The following APOBEC2 variants were observed in gnomAD, a reference collection of about 807,000 sequenced individuals.
APOBEC2 encodes apolipoprotein B mRNA editing enzyme catalytic subunit 2, also known as C->U-editing enzyme APOBEC-2.
Under a neutral mutation model 19.4 loss-of-function variants are expected in APOBEC2, and 14 were observed. The observed-to-expected ratio is 0.72, with a 90% confidence interval of 0.48 to 1.13. APOBEC2 has a LOEUF of 1.13. APOBEC2 is among the 50% of genes most tolerant of loss of function. The probability of loss-of-function intolerance (pLI) is 0.00; values close to 1 mark genes in which losing one functional copy is unlikely to be tolerated. For missense variants in APOBEC2, 304 were observed against 277.0 expected (o/e 1.10, Z -0.69); for synonymous variants, 127 against 112.1 (o/e 1.13, Z -0.84).
chr6:41,063,534 C>CTTTTTTTTTTT (rs34638825), intron 2 of APOBEC2, among the ~76,000 whole-genome samples: 11 of 85,366 alleles, frequency 1.3e-4, no homozygotes, highest in Admixed American at 4.9e-4. Context: ...GTCCTTAGAG[C>CTTTTTTTTTTT]TTTTTTTTTT....
At chr6:41,062,980 A>G (rs1762895180) in intron 2 of APOBEC2, among the ~76,000 whole-genome samples, 1 of 152,208 alleles carries the variant, frequency 6.6e-6, no homozygotes, top group African/African-American at 2.4e-5. Flanking sequence ...AACAACTCAC[A>G]TATTACTAAA....
In APOBEC2 at chr6:41,061,423, C is replaced by A; in HGVS notation, c.227C>A (p.Ala76Glu). 1.2e-6 allele frequency: 2 copies of A among 1,611,338 alleles called. No individual in the cohort carries two copies. Among genetic ancestry groups the A allele is most frequent in the Non-Finnish European group, 1.7e-6 (2 of 1,178,698 alleles). ...NKTFLCYVVE[A>E]QGKGGQVQAS... Reference sequence around the variant, plus strand: ...ACCTTCCTCTGCTATGTGGTTGAAGCACAGGGCAAGGGGGGCCAAGTGCAG... The same window carrying A: ...ACCTTCCTCTGCTATGTGGTTGAAGAACAGGGCAAGGGGGGCCAAGTGCAG... Residue 76 changes from alanine (A) to glutamate (E), a missense_variant, in exon 2 of 3, where the codon GCA becomes GAA. Transcript: ENST00000244669.
intron 1 of APOBEC2, among the ~76,000 whole-genome samples, chr6:41,057,380 G>A (rs1479926700): frequency 6.6e-6 from 1 of 152,152 alleles, no homozygotes; most frequent in African/African-American, 2.4e-5. Flanking sequence ...TTGGGGGCAG[G>A]TCAAAGCTCA....
intron 1 of APOBEC2, among the ~76,000 whole-genome samples, chr6:41,053,807 T>C (rs1762761032): frequency 1.3e-5 from 2 of 152,156 alleles, no homozygotes; most frequent in African/African-American, 4.8e-5. Context: ...CCCAGGGAGT[T>C]TGGCGAGGAC....
chr6:41,056,076 T>C (rs1174003548), intron 1 of APOBEC2, among the ~76,000 whole-genome samples: 6 of 152,224 alleles, frequency 3.9e-5, no homozygotes, highest in Non-Finnish European at 8.8e-5. Context: ...AGGATACAAT[T>C]TGAGGCCTGG....
At chr6:41,063,563 T>C (rs62396283) in intron 2 of APOBEC2, among the ~76,000 whole-genome samples, 9,108 of 128,984 alleles carry the variant, frequency 0.071, 435 homozygotes, top group Middle Eastern at 0.14. Flanking sequence ...TTTTCAGTGA[T>C]TTCAAATATA....
At chr6:41,061,074 A>G (rs1454668737) in intron 1 of APOBEC2, among the ~76,000 whole-genome samples, 1 of 151,780 alleles carries the variant, frequency 6.6e-6, no homozygotes, top group Admixed American at 6.6e-5. Context: ...GGTGGAGACA[A>G]TGTCCTAGTA....
chr6:41,064,227 G>A lies in APOBEC2; in HGVS notation c.*148G>A, dbSNP rs1439944602. The A allele has an allele frequency of 6.6e-6, 1 of 152,504 alleles. No individual in the cohort carries two copies. The highest frequency in any genetic ancestry group is 1.5e-5 in the Non-Finnish European group (1 of 68,018). 9.4% of individuals were successfully genotyped at this position (152,504 alleles called of 1,614,324 possible). On this transcript the variant is annotated 3_prime_UTR_variant, in exon 3 of 3. Transcript: ENST00000244669. ...CCAATCATACTGGACAAGGCCCTTA[G>A]AGGACTTGAAATATACTTCTCATGC...
chr6:41,054,671 C>A (rs1581988114), intron 1 of APOBEC2, among the ~76,000 whole-genome samples: 1 of 152,334 alleles, frequency 6.6e-6, no homozygotes, highest in Middle Eastern at 3.4e-3. Flanking sequence ...GCCCACCCAA[C>A]TAATCTCACC....
chr6:41,055,902 C>T (rs563669139), intron 1 of APOBEC2, among the ~76,000 whole-genome samples: 1 of 152,224 alleles, frequency 6.6e-6, no homozygotes, highest in Admixed American at 6.5e-5. Context: ...GAGTACTTAC[C>T]TTATGGAAAT....
At chr6:41,053,520 G>A (rs1040479194) in intron 1 of APOBEC2, 42 bp downstream of exon 1, 2 of 1,610,536 alleles carry the variant, frequency 1.2e-6, no homozygotes, top group South Asian at 1.1e-5. Context: ...CCCTAGAAGA[G>A]TGCAGCCTTG....
At chr6:41,061,923 C>G (rs991320287) in intron 2 of APOBEC2, 31 bp downstream of exon 2, 14 of 1,546,942 alleles carry the variant, frequency 9.1e-6, no homozygotes, top group Non-Finnish European at 1.2e-5. Context: ...GGCACCAACA[C>G]TTTATTATGT....
intron 1 of APOBEC2, among the ~76,000 whole-genome samples, chr6:41,054,504 T>C (rs1318636295): frequency 6.6e-6 from 1 of 152,172 alleles, no homozygotes; most frequent in African/African-American, 2.4e-5. Flanking sequence ...TGACAAGTGA[T>C]TTTCCAGTCA....
chr6:41,060,635 T>C (rs1036995481), intron 1 of APOBEC2, among the ~76,000 whole-genome samples: 6 of 152,226 alleles, frequency 3.9e-5, no homozygotes, highest in African/African-American at 1.4e-4. Flanking sequence ...TAGTCTGTCC[T>C]CACAGATAAA....
At chr6:41,060,369 A>G (rs1329175864) in intron 1 of APOBEC2, among the ~76,000 whole-genome samples, 1 of 152,152 alleles carries the variant, frequency 6.6e-6, no homozygotes, top group Non-Finnish European at 1.5e-5. Context: ...TTTCCTTCTC[A>G]AGAACCTGTA....
At position 41,064,205 on chromosome 6, in the gene APOBEC2, A is replaced by G. The variant is rs1178446842; in HGVS notation, c.*126A>G. On this transcript the variant is annotated 3_prime_UTR_variant, in exon 3 of 3. Transcript: ENST00000244669. ...GCTGGACAACATTTGACACCAACCA[A>G]TCATACTGGACAAGGCCCTTAGAGG... is the stretch of plus-strand genomic sequence containing the variant. The G allele has an allele frequency of 6.6e-6, 1 of 152,492 alleles. No homozygotes were observed. Among genetic ancestry groups the G allele is most frequent in the East Asian group, 1.9e-4 (1 of 5,192 alleles). The allele number at this position is 152,492 out of a possible 1,614,324, so 9.4% of individuals were successfully genotyped here. A position where few individuals can be genotyped will look rare whatever the true frequency, so the allele number is the denominator to read the frequency against.
At position 41,061,313 on chromosome 6, in the gene APOBEC2, C is replaced by T. The variant is rs1762867809; in HGVS notation, c.132-15C>T. 1.3e-6 allele frequency: 2 copies of T among 1,516,606 alleles called. No individual in the cohort carries two copies. The highest frequency in any genetic ancestry group is 1.8e-6 in the Non-Finnish European group (2 of 1,133,328). 93.9% of individuals were successfully genotyped at this position (1,516,606 alleles called of 1,614,324 possible). On this transcript the variant is annotated splice_polypyrimidine_tract_variant and intron_variant, in intron 1 of 2. Transcript: ENST00000244669. ...TTATCATTCTTTCCTGTCCTTTTGTCTCCTTGACCTACAGAGAACGGCTGC... is the reference window on the plus strand; with the variant it reads ...TTATCATTCTTTCCTGTCCTTTTGTTTCCTTGACCTACAGAGAACGGCTGC...
intron 1 of APOBEC2, among the ~76,000 whole-genome samples, chr6:41,053,890 A>G (rs892913132): frequency 6.6e-6 from 1 of 152,156 alleles, no homozygotes; most frequent in African/African-American, 2.4e-5. Context: ...TCTGTTCCTG[A>G]GTGGGTCTCT....
In APOBEC2 at chr6:41,053,306, C is replaced by T. The variant is rs374858810; in HGVS notation, c.-42C>T. On this transcript the variant is annotated 5_prime_UTR_variant, in exon 1 of 3. Transcript: ENST00000244669. ...CAGGGCCTGGCCCAGACCTGCCTGCCTCTCTCCTCTCCCTCAGTGACTCCT... is the reference window on the plus strand; with the variant it reads ...CAGGGCCTGGCCCAGACCTGCCTGCTTCTCTCCTCTCCCTCAGTGACTCCT... 3 of 1,600,958 alleles carry T rather than the reference C, an allele frequency of 1.9e-6. No individual in the cohort carries two copies. Among genetic ancestry groups the T allele is most frequent in the Non-Finnish European group, 2.6e-6 (3 of 1,174,856 alleles).
Sources: allele counts gnomAD v4.1 joint callset (sites outside exome capture counted in the v4.1 genomes callset), GRCh38; gene constraint gnomAD v4.1.1; transcripts MANE v1.5; gene names NCBI Gene and HGNC (gene_info 2026-07-23, HGNC 2026-07-21).